Variants in ARHGEF6 observed in about 807,000 individuals in gnomAD.
ARHGEF6 encodes rho guanine nucleotide exchange factor 6.
In ARHGEF6, 9 loss-of-function variants were observed where a neutral mutation model predicts 70.3. The observed-to-expected ratio is 0.13, with a 90% CI of 0.08 to 0.22. The LOEUF is 0.22. Ranked by LOEUF, ARHGEF6 falls within the 10% of genes least tolerant of loss-of-function variation. ARHGEF6 has a pLI of 1.00. For synonymous variants in ARHGEF6, 201 were observed against 207.8 expected, an observed-to-expected ratio of 0.97 and a Z score of 0.28; for missense variants, 470 against 563.0, an observed-to-expected ratio of 0.83 and a Z score of 1.67.
At chrX:136,732,879 C>T (rs1174393696) in intron 5 of ARHGEF6, among the ~76,000 whole-genome samples, 1 of 111,505 alleles carries the variant, frequency 9.0e-6, no homozygotes, top group African/African-American at 3.3e-5. Context: ...TTATAATGTG[C>T]AATTTACTAT....
chrX:136,773,314 A>G (rs1407474195), intron 2 of ARHGEF6, among the ~76,000 whole-genome samples: 1 of 111,942 alleles, frequency 8.9e-6, no homozygotes, highest in Non-Finnish European at 1.9e-5. Flanking sequence ...TCTATTAGGT[A>G]TGTCCTATGC....
intron 6 of ARHGEF6, among the ~76,000 whole-genome samples, chrX:136,720,568 A>C (rs2076785921): frequency 8.9e-6 from 1 of 111,991 alleles, no homozygotes; most frequent in African/African-American, 3.2e-5. Flanking sequence ...CTTAATGGTA[A>C]GAAGCCAGAT....
At chrX:136,741,263 A>T (rs1042251485) in intron 5 of ARHGEF6, among the ~76,000 whole-genome samples, 1 of 111,793 alleles carries the variant, frequency 8.9e-6, no homozygotes, top group Non-Finnish European at 1.9e-5. Context: ...ATGGGTTTGA[A>T]CTTTGCAGGC....
intron 2 of ARHGEF6, among the ~76,000 whole-genome samples, chrX:136,772,715 T>C (rs1466352750): frequency 9.1e-6 from 1 of 110,053 alleles, no homozygotes; most frequent in Non-Finnish European, 1.9e-5. Context: ...ATACAAAAAT[T>C]AGCCAGGCAT....
chrX:136,734,886 A>G (rs1201228485), intron 5 of ARHGEF6, among the ~76,000 whole-genome samples: 1 of 112,309 alleles, frequency 8.9e-6, no homozygotes, highest in African/African-American at 3.2e-5. Flanking sequence ...AAGTCACATG[A>G]TAATATTAAC....
In ARHGEF6 at chrX:136,680,849, T is replaced by C; in HGVS notation, c.1586A>G (p.His529Arg). 1 of 1,211,938 alleles carries C rather than the reference T, an allele frequency of 8.3e-7. No individual in the cohort carries two copies. Among genetic ancestry groups the C allele is most frequent in the Non-Finnish European group, 1.1e-6 (1 of 895,454 alleles). The part of the protein sequence containing the change: ...TGNTVERIVV[H>R]CNNNQDFQEW... ...CTGGAAGTCCTGGTTGTTGTTACAA[T>C]GGACCACAATTCTCTCCACTGTGTT... is the stretch of plus-strand genomic sequence containing the variant. The change falls in exon 15 of 22, where the codon CAT becomes CGT. Residue 529 changes from histidine (H) to arginine (R), a missense_variant. Around this residue, in one of 3 missense-constraint regions of ARHGEF6, gnomAD observed 379 missense variants for 449.3 expected, o/e 0.84. Coordinates refer to ENST00000250617, the MANE Select transcript of ARHGEF6 (RefSeq NM_004840.3).
intron 7 of ARHGEF6, among the ~76,000 whole-genome samples, chrX:136,711,106 A>G (rs1277388210): frequency 2.7e-5 from 3 of 112,179 alleles, no homozygotes; most frequent in Non-Finnish European, 3.8e-5. Context: ...GGAAAGCACT[A>G]CAGAGTTTTC....
Position 136,708,704 on chromosome X carries a change from T to C in ARHGEF6, c.894A>G (p.Thr298=). The C allele has an allele frequency of 8.3e-7, 1 of 1,206,895 alleles. No homozygotes were observed. The change falls in exon 8 of 22, where the codon ACA becomes ACG. Residue 298 remains threonine (T), a synonymous_variant. Coordinates refer to ENST00000250617, the MANE Select transcript of ARHGEF6 (RefSeq NM_004840.3). Reference sequence around the variant, plus strand: ...AACATTCTTCCAAGGCTTGGCAGAGTGTCTGTTGAAATGTGCATACTTCCT... The same window carrying C: ...AACATTCTTCCAAGGCTTGGCAGAGCGTCTGTTGAAATGTGCATACTTCCT... The part of the protein sequence containing the change: ...NFEEVCTFQQ[T]LCQALEECSK...
chrX:136,780,286 T>G (rs2077437182), intron 1 of ARHGEF6, among the ~76,000 whole-genome samples: 1 of 110,325 alleles, frequency 9.1e-6, no homozygotes, highest in Non-Finnish European at 1.9e-5. Flanking sequence ...CAATGGATTT[T>G]TCTAAAAGGA....
chrX:136,746,513 T>C (rs1186619025), intron 3 of ARHGEF6, among the ~76,000 whole-genome samples: 1 of 112,084 alleles, frequency 8.9e-6, no homozygotes, highest in Non-Finnish European at 1.9e-5. Flanking sequence ...TATTGTCTGC[T>C]CTTGTCCTCT....
chrX:136,698,255 C>T (rs2076532161), intron 9 of ARHGEF6, among the ~76,000 whole-genome samples: 1 of 110,765 alleles, frequency 9.0e-6, no homozygotes, highest in African/African-American at 3.3e-5. Context: ...ACGAATACAG[C>T]CTCAGAGAAA....
chrX:136,764,941 A>G (rs2077299916), intron 2 of ARHGEF6, among the ~76,000 whole-genome samples: 1 of 112,210 alleles, frequency 8.9e-6, no homozygotes, highest in Non-Finnish European at 1.9e-5. Flanking sequence ...CATGTCTGAA[A>G]ACAAAGGAGC....
At chrX:136,690,572 C>T (rs1167612969) in intron 10 of ARHGEF6, 38 bp downstream of exon 10, 10 of 1,207,454 alleles carry the variant, frequency 8.3e-6, no homozygotes, top group Non-Finnish European at 1.1e-5. Context: ...CAGGACCATA[C>T]TTGGCACACG....
intron 5 of ARHGEF6, among the ~76,000 whole-genome samples, chrX:136,739,724 T>A (rs1934922618): frequency 8.9e-6 from 1 of 111,756 alleles, no homozygotes; most frequent in Admixed American, 9.4e-5. Flanking sequence ...AAGGCCCTCC[T>A]GTGAAGTAGG....
At chrX:136,771,487 G>T (rs1290912175) in intron 2 of ARHGEF6, among the ~76,000 whole-genome samples, 1 of 112,509 alleles carries the variant, frequency 8.9e-6, no homozygotes, top group Admixed American at 9.4e-5. Context: ...GGCTAATGTT[G>T]TCTTTTCAAC....
At chrX:136,727,304 A>AGTCT (rs1170099602) in intron 6 of ARHGEF6, among the ~76,000 whole-genome samples, 8 of 73,048 alleles carry the variant, frequency 1.1e-4, no homozygotes, top group South Asian at 9.4e-4. Flanking sequence ...AGATGTCTGT[A>AGTCT]GTCTTTCTTT....
At chrX:136,683,382 G>T (rs1409087770) in intron 12 of ARHGEF6, among the ~76,000 whole-genome samples, 1 of 111,100 alleles carries the variant, frequency 9.0e-6, no homozygotes, top group Admixed American at 9.5e-5. Context: ...TCTTGAGACG[G>T]AGTTTCGCTC....
chrX:136,727,329 CTTTCT>C (rs1569410781), intron 6 of ARHGEF6, among the ~76,000 whole-genome samples: 3 of 29,287 alleles, frequency 1.0e-4, no homozygotes, highest in Admixed American at 3.0e-4. Context: ...CTTTCTTTTT[CTTTCT>C]TTCTTTCTTT....
At chrX:136,732,056 T>C (rs1334970069) in intron 6 of ARHGEF6, 46 bp downstream of exon 6, 1 of 1,037,527 alleles carries the variant, frequency 9.6e-7, no homozygotes, top group East Asian at 3.1e-5. Context: ...GTGAAAAAGT[T>C]CCATATAGAG....
Sources: gnomAD v4.1 joint callset for allele counts (sites outside exome capture counted in the v4.1 genomes callset) on GRCh38, gnomAD v4.1.1 for gene constraint, gnomAD v4.1.1 regional missense constraint, MANE v1.5 for transcripts, NCBI Gene and HGNC (gene_info 2026-07-23, HGNC 2026-07-21) for gene names.